Variants in GLE1 observed in about 807,000 individuals in gnomAD.
GLE1 encodes GLE1 RNA export mediator, also known as mRNA export factor GLE1.
GLE1 carries 78 observed loss-of-function variants against 97.3 expected under a neutral mutation model. The observed-to-expected ratio is 0.80, with a 90% confidence interval of 0.67 to 0.97. The LOEUF (loss-of-function observed/expected upper bound fraction) is 0.97. Ranked by LOEUF, GLE1 falls within the 50% of genes least tolerant of loss-of-function variation. The probability of loss-of-function intolerance (pLI) is 0.00; values close to 1 mark genes in which losing one functional copy is unlikely to be tolerated. For missense variants in GLE1, 753 were observed against 857.5 expected (o/e 0.88, Z 1.52); for synonymous variants, 302 against 313.4 (o/e 0.96, Z 0.39).
intron 5 of GLE1, 30 bp from the exon 6 acceptor site, chr9:128,523,562 A>G (rs1345354064): frequency 1.2e-6 from 2 of 1,612,916 alleles, no homozygotes; most frequent in African/African-American, 1.3e-5. Context: ...GGAACCCCTC[A>G]GAGAGAAGTC....
chr9:128,504,893 C>T lies in GLE1; in HGVS notation c.88C>T (p.Leu30=). The change falls in exon 1 of 16, where the codon CTG becomes TTG. Residue 30 remains leucine (L), a synonymous_variant. Transcript: ENST00000309971. The part of the protein sequence containing the change: ...GRLCYYRDWL[L]RREDVLEECM... ...CCTTTGCTACTACCGCGACTGGCTGCTGCGGCGCGAGGTGAGCGGTGGCCC... is the reference window on the plus strand; with the variant it reads ...CCTTTGCTACTACCGCGACTGGCTGTTGCGGCGCGAGGTGAGCGGTGGCCC... 6.2e-7 allele frequency: 1 copy of T among 1,608,392 alleles called. No individual in the cohort carries two copies.
Position 128,504,789 on chromosome 9 carries a change from C to A in GLE1, c.-17C>A, listed in dbSNP as rs376983657. The A allele has an allele frequency of 1.3e-6, 2 of 1,539,630 alleles. No individual in the cohort carries two copies. The highest frequency in any genetic ancestry group is 1.8e-6 in the Non-Finnish European group (2 of 1,112,398). On this transcript the variant is annotated 5_prime_UTR_variant, in exon 1 of 16. The change creates a new upstream start codon in the 5' untranslated region. Transcript: ENST00000309971. ...GGTCAGAAGGGGGGCGTCAGAGAAG[C>A]TGCCCCTTAGCCAACCATGCCGTCT...
In GLE1 at chr9:128,533,556, C is replaced by G. The variant is rs774691569; in HGVS notation, c.1356C>G (p.Leu452=). Residue 452 remains leucine, a synonymous_variant, in exon 10 of 16, where the codon CTC becomes CTG. Coordinates refer to ENST00000309971, the MANE Select transcript of GLE1 (RefSeq NM_001003722.2). ...TCTTTGACAAGATCCACAGCCTGCT[C>G]TCTGGAAAACCTGTTCAATCTGGTG... ...KEIFDKIHSL[L]SGKPVQSGGR... 1 of 1,613,202 alleles carries G rather than the reference C, an allele frequency of 6.2e-7. No homozygotes were observed. The highest frequency in any genetic ancestry group is 8.5e-7 in the Non-Finnish European group (1 of 1,179,358).
rs759935136 is a variant in GLE1 at position 128,508,891 on chromosome 9, T to G, written c.115T>G (p.Cys39Gly). ...TTTTCTCTAGGATGTTTTAGAAGAATGTATGTCTCTTCCCAAGCTATCTTC... is the reference window on the plus strand; with the variant it reads ...TTTTCTCTAGGATGTTTTAGAAGAAGGTATGTCTCTTCCCAAGCTATCTTC... ...LLRREDVLEE[C>G]MSLPKLSSYS... The change falls in exon 2 of 16, where the codon TGT (cysteine) becomes GGT (glycine). Residue 39 changes from cysteine to glycine, a missense_variant. By Grantham distance (159) the Cys-to-Gly change is radical (BLOSUM62 -3). Transcript: ENST00000309971. 1 of 1,596,144 alleles carries G rather than the reference T, an allele frequency of 6.3e-7. No homozygotes were observed. The highest frequency in any genetic ancestry group is 2.2e-5 in the East Asian group (1 of 44,820).
rs760751321 is a variant in GLE1 at position 128,508,955 on chromosome 9, T to C, written c.179T>C (p.Met60Thr). The change falls in exon 2 of 16, where the codon ATG becomes ACG. Residue 60 changes from methionine to threonine, a missense_variant. Met to Thr is a moderately conservative substitution (Grantham distance 81, BLOSUM62 -1). Transcript: ENST00000309971. ...GWVVEHVLPHMQENQPLSETS... is the reference protein window; with the variant it reads ...GWVVEHVLPHTQENQPLSETS... Reference sequence around the variant, plus strand: ...GTGGTAGAGCACGTCCTACCCCATATGCAGGAGAACCAACCTCTGTCTGAG... The same window carrying C: ...GTGGTAGAGCACGTCCTACCCCATACGCAGGAGAACCAACCTCTGTCTGAG... 6.2e-7 allele frequency: 1 copy of C among 1,611,654 alleles called. No individual in the cohort carries two copies.
At chr9:128,528,891 G>A (rs1197323007) in intron 9 of GLE1, 1 of 152,212 alleles carries the variant, frequency 6.6e-6, no homozygotes, top group Non-Finnish European at 1.5e-5. Context: ...TGTAGATGTG[G>A]AAGCCTCCAG....
intron 2 of GLE1, among the ~76,000 whole-genome samples, chr9:128,511,198 A>G (rs1468350697): frequency 6.6e-6 from 1 of 150,636 alleles, no homozygotes; most frequent in African/African-American, 2.4e-5. Flanking sequence ...AGCAAGACTC[A>G]GTCTCAAAAT....
At chr9:128,530,087 T>C (rs10760560) in intron 9 of GLE1, among the ~76,000 whole-genome samples, 150,461 of 152,260 alleles carry the variant, frequency 0.99, 74,365 homozygotes, top group Middle Eastern at 1. Context: ...TGAGCCACTG[T>C]GCCCGGCTGG....
chr9:128,533,273 A>G (rs1030503224), intron 9 of GLE1, among the ~76,000 whole-genome samples: 1 of 151,660 alleles, frequency 6.6e-6, no homozygotes, highest in African/African-American at 2.4e-5. Context: ...AAAAAAAAAA[A>G]TACAAAACTT....
intron 11 of GLE1, among the ~76,000 whole-genome samples, chr9:128,535,291 C>T (rs557112242): frequency 3.3e-5 from 5 of 151,544 alleles, no homozygotes; most frequent in African/African-American, 9.7e-5. Context: ...GCCGCCAAAG[C>T]GGGCGGATCA....
intron 3 of GLE1, among the ~76,000 whole-genome samples, 155 bp downstream of exon 3, chr9:128,515,794 C>G (rs2132431270): frequency 1.3e-5 from 2 of 152,224 alleles, no homozygotes; most frequent in South Asian, 4.1e-4. Context: ...AGTGAGTGCT[C>G]TGAAGTCAAG....
chr9:128,513,687 T>A (rs1846890344), intron 2 of GLE1, among the ~76,000 whole-genome samples: 1 of 142,238 alleles, frequency 7.0e-6, no homozygotes, highest in Non-Finnish European at 1.5e-5. Context: ...CCAGCACGGG[T>A]GATAGAGTAA....
chr9:128,538,876 A>G (rs1045599265), intron 13 of GLE1, among the ~76,000 whole-genome samples: 9 of 152,198 alleles, frequency 5.9e-5, no homozygotes, highest in African/African-American at 1.9e-4. Context: ...GACACTTCTT[A>G]TAGAAGAAAG....
Position 128,533,945 on chromosome 9 carries a change from A to C in GLE1, c.1640A>C (p.Tyr547Ser). The C allele has an allele frequency of 6.2e-7, 1 of 1,602,000 alleles. No individual in the cohort carries two copies. Among genetic ancestry groups the C allele is most frequent in the Non-Finnish European group, 8.6e-7 (1 of 1,169,000 alleles). Residue 547 changes from tyrosine to serine, a missense_variant, in exon 11 of 16, where the codon TAT becomes TCT. Physicochemically the swap from Tyr to Ser is moderately radical, Grantham distance 144 (BLOSUM62 -2). Coordinates refer to ENST00000309971, the MANE Select transcript of GLE1 (RefSeq NM_001003722.2). ...TFKEGMALED[Y>S]QRMLGYQVKD... ...AAGGAGGGAATGGCTTTGGAAGACT[A>C]TCAGAGGTAAAGTTGTTTTTCTCCC...
chr9:128,523,348 C>T lies in GLE1; in HGVS notation c.642+8C>T, dbSNP rs2132457292. ...CACCGTCACAGAGCAAAGGTCAGAG[C>T]CTGGCAGAATTGGTGTGGGTGTTTT... On this transcript the variant is annotated splice_region_variant and intron_variant, in intron 5 of 15. Transcript: ENST00000309971. 2 of 1,609,846 alleles carry T rather than the reference C, an allele frequency of 1.2e-6. No individual in the cohort carries two copies. Among genetic ancestry groups the T allele is most frequent in the Non-Finnish European group, 1.7e-6 (2 of 1,176,160 alleles).
At chr9:128,522,966 G>C in intron 4 of GLE1, 150 bp downstream of exon 4, 1 of 1,002,308 alleles carries the variant, frequency 1.0e-6, no homozygotes, top group Non-Finnish European at 1.5e-6. Context: ...CTGGAAAAAA[G>C]ACCAAACTTG....
chr9:128,528,024 G>C (rs1243475024), intron 9 of GLE1, among the ~76,000 whole-genome samples: 1 of 124,100 alleles, frequency 8.1e-6, no homozygotes, highest in African/African-American at 3.1e-5. Context: ...TTTTGAGACA[G>C]AGTCTTGCTC....
intron 1 of GLE1, among the ~76,000 whole-genome samples, chr9:128,508,414 T>A (rs1846706185): frequency 6.6e-6 from 1 of 152,036 alleles, no homozygotes; most frequent in East Asian, 1.9e-4. Context: ...CAAAAATAAT[T>A]AATTTTAAAA....
rs1174493216 is a variant in GLE1 at position 128,514,338 on chromosome 9, CAAAAAAAAAA to C, written c.322-1179_322-1170del. Reference sequence around the variant, plus strand: ...TGGGAAACAGAGTGAGATCTTGTTTCAAAAAAAAAAAAAAAAAAAAACTTAGAAAAGTTCA... The same window carrying C: ...TGGGAAACAGAGTGAGATCTTGTTTCAAAAAAAAAAACTTAGAAAAGTTCA... On this transcript the variant is annotated intron_variant, in intron 2 of 15. Transcript: ENST00000309971. Among the ~76,000 whole-genome samples, 17 of 91,544 alleles carry C rather than the reference CAAAAAAAAAA, an allele frequency of 1.9e-4. No homozygotes were observed. In the South Asian group the frequency reaches 5.9e-3, roughly 32 times the overall value. 60.1% of individuals were successfully genotyped at this position (91,544 alleles called of 152,430 possible).
Sources: allele counts gnomAD v4.1 joint callset (sites outside exome capture counted in the v4.1 genomes callset), GRCh38; gene constraint gnomAD v4.1.1; transcripts MANE v1.5; gene names NCBI Gene and HGNC (gene_info 2026-07-23, HGNC 2026-07-21).